The following CEP192 variants were observed in gnomAD, a reference collection of about 807,000 sequenced individuals.
The protein encoded by CEP192 is centrosomal protein of 192 kDa.
In CEP192, 151 loss-of-function variants were observed where a neutral mutation model predicts 271.8. That is an observed-to-expected ratio of 0.56 (90% CI 0.49 to 0.64). CEP192 has a LOEUF of 0.64. Among genes scored for constraint, CEP192 ranks in the 30% least tolerant of loss-of-function variants. The pLI, the probability that CEP192 is intolerant of heterozygous loss-of-function variation, is 0.00. For synonymous variants in CEP192, 995 were observed against 1,076.5 expected (o/e 0.92, Z 1.48); for missense variants, 2,910 against 3,020.5 (o/e 0.96, Z 0.86).
At chr18:13,060,250 T>G (rs772950399) in intron 21 of CEP192, among the ~76,000 whole-genome samples, 1 of 152,232 alleles carries the variant, frequency 6.6e-6, no homozygotes, top group Non-Finnish European at 1.5e-5. Flanking sequence ...CTTGTTACTG[T>G]ACTTAATACT....
intron 30 of CEP192, among the ~76,000 whole-genome samples, chr18:13,085,116 T>C (rs1179396181): frequency 1.3e-5 from 2 of 152,106 alleles, no homozygotes; most frequent in African/African-American, 2.4e-5. Flanking sequence ...TGAGCCACCG[T>C]GCCTGGTCGA....
At chr18:13,109,168 A>G (rs2040091921) in intron 40 of CEP192, among the ~76,000 whole-genome samples, 1 of 152,192 alleles carries the variant, frequency 6.6e-6, no homozygotes, top group Admixed American at 6.5e-5. Flanking sequence ...GGTGGATTGG[A>G]TGAAGAAATG....
In CEP192 at chr18:13,049,796, A is replaced by T. The variant is rs1204826980; in HGVS notation, c.2922A>T (p.Gly974=). The part of the protein sequence containing the change: ...DLKNTSPEHG[G]RGSEDEQESF... ...AAAATACCTCTCCTGAGCATGGTGG[A>T]CGTGGCTCAGAGGATGAGCAGGAGA... The change falls in exon 17 of 45, where the codon GGA becomes GGT. Residue 974 remains glycine (G), a synonymous_variant. Coordinates refer to ENST00000506447, the MANE Select transcript of CEP192 (RefSeq NM_032142.4). 6.2e-7 allele frequency: 1 copy of T among 1,613,760 alleles called. No individual in the cohort carries two copies. Among genetic ancestry groups the T allele is most frequent in the East Asian group, 2.2e-5 (1 of 44,882 alleles).
intron 40 of CEP192, 115 bp from the exon 41 acceptor site, chr18:13,113,471 T>G: frequency 9.7e-7 from 1 of 1,032,282 alleles, no homozygotes; most frequent in East Asian, 2.5e-5. Context: ...AACTAGCCAG[T>G]GCAAAAGCAT....
intron 4 of CEP192, among the ~76,000 whole-genome samples, chr18:13,008,862 A>G (rs1474302876): frequency 1.3e-5 from 2 of 151,926 alleles, no homozygotes; most frequent in Non-Finnish European, 2.9e-5. Context: ...ACACACCACC[A>G]TGCTAGGCTA....
chr18:13,048,473 T>C lies in CEP192; in HGVS notation c.2068-386T>C, dbSNP rs909664500. ...CAGAGAGGAGCTATCAAGTGCTTCCTTCAAGTGAAAAGAGGAAGGTTCTCG... is the reference window on the plus strand; with the variant it reads ...CAGAGAGGAGCTATCAAGTGCTTCCCTCAAGTGAAAAGAGGAAGGTTCTCG... On this transcript the variant is annotated intron_variant, in intron 15 of 44. Transcript: ENST00000506447. Among the ~76,000 whole-genome samples the C allele has an allele frequency of 2.0e-5, 3 of 152,188 alleles. No individual in the cohort carries two copies. The South Asian group carries it at 6.2e-4, about 32-fold the overall frequency.
In CEP192 at chr18:13,070,337, A is replaced by G. The variant is rs190577857; in HGVS notation, c.5174+481A>G. ...ATTGTCTTCTCTTTTTTTGACTAAA[A>G]ATCTTCTTTTAAACCAGCTGAATCG... On this transcript the variant is annotated intron_variant, in intron 27 of 44. Transcript: ENST00000506447. Among the ~76,000 whole-genome samples the G allele has an allele frequency of 2.3e-4, 35 of 152,240 alleles. 1 individual carries two copies. In the South Asian group the frequency reaches 6.6e-3, roughly 29 times the overall value.
At chr18:13,019,252 G>A (rs1388236677) in intron 9 of CEP192, 46 bp downstream of exon 9, 1 of 1,427,592 alleles carries the variant, frequency 7.0e-7, no homozygotes, top group Non-Finnish European at 9.2e-7. Flanking sequence ...AAAGGAATAA[G>A]GGGTCTTTTG....
At chr18:13,063,861 C>G (rs900464666) in intron 21 of CEP192, among the ~76,000 whole-genome samples, 6 of 149,926 alleles carry the variant, frequency 4.0e-5, no homozygotes, top group Non-Finnish European at 8.9e-5. Flanking sequence ...CGCTCTGTCA[C>G]CCAGGCTAGA....
rs761217744 is a variant in CEP192 at position 13,017,182 on chromosome 18, C to G, written c.641-6C>G. 6.7e-5 allele frequency: 103 copies of G among 1,529,534 alleles called. No homozygotes were observed. The highest frequency in any genetic ancestry group is 8.8e-5 in the Non-Finnish European group (100 of 1,139,160). The allele number at this position is 1,529,534 out of a possible 1,614,324, so 94.7% of individuals were successfully genotyped here. On this transcript the variant is annotated splice_region_variant and splice_polypyrimidine_tract_variant and intron_variant, in intron 6 of 44. Coordinates refer to ENST00000506447, the MANE Select transcript of CEP192 (RefSeq NM_032142.4). The stretch of plus-strand genomic sequence containing the variant: ...ATGTCCTGTTTTTTCTCGATTTTAT[C>G]AATAGATGATGATATTGATGATGAA...
intron 38 of CEP192, among the ~76,000 whole-genome samples, chr18:13,101,989 C>T (rs1310414233): frequency 1.3e-5 from 2 of 152,142 alleles, no homozygotes; most frequent in African/African-American, 4.8e-5. Flanking sequence ...CCTGGCTTGT[C>T]CCAGGAGCCT....
At chr18:13,081,107 G>A (rs769514586) in intron 30 of CEP192, among the ~76,000 whole-genome samples, 2 of 152,016 alleles carry the variant, frequency 1.3e-5, no homozygotes, top group African/African-American at 2.4e-5. Flanking sequence ...CTCTTTTTTT[G>A]TTGTGTCTTT....
At chr18:13,030,971 A>G (rs1340249161) in intron 11 of CEP192, among the ~76,000 whole-genome samples, 2 of 148,476 alleles carry the variant, frequency 1.3e-5, no homozygotes, top group Non-Finnish European at 3.0e-5. Flanking sequence ...CCAGTCCATG[A>G]AAGGTAGAAA....
intron 5 of CEP192, among the ~76,000 whole-genome samples, chr18:13,013,557 A>G (rs748329595): frequency 9.9e-5 from 15 of 152,152 alleles, no homozygotes; most frequent in Non-Finnish European, 1.6e-4. Context: ...TCACTGTGCC[A>G]AGGGGTGGGT....
chr18:13,054,147 C>T (rs2036956612), intron 18 of CEP192, among the ~76,000 whole-genome samples: 1 of 152,122 alleles, frequency 6.6e-6, no homozygotes, highest in African/African-American at 2.4e-5. Context: ...GTTTTAAAAG[C>T]TCACTCCAAC....
intron 11 of CEP192, among the ~76,000 whole-genome samples, chr18:13,032,842 A>G (rs2035709036): frequency 6.6e-6 from 1 of 152,226 alleles, no homozygotes; most frequent in East Asian, 1.9e-4. Context: ...TTAGGTTGCA[A>G]TGAGAATGAG....
At position 13,031,639 on chromosome 18, in the gene CEP192, G is replaced by A. The variant is rs191893762; in HGVS notation, c.1534+1031G>A. On this transcript the variant is annotated intron_variant, in intron 11 of 44. Transcript: ENST00000506447. ...CTTCTTTAAGAAAGTCTTGTAATGT[G>A]GAATTACAGCAATAAATTAGGTAGT... Among the ~76,000 whole-genome samples, 7 of 152,124 alleles carry A rather than the reference G, an allele frequency of 4.6e-5. No homozygotes were observed. The East Asian group carries it at 1.4e-3, about 30-fold the overall frequency.
chr18:13,042,054 C>T (rs543154310), intron 14 of CEP192, 150 bp from the exon 15 acceptor site: 11 of 567,060 alleles, frequency 1.9e-5, no homozygotes, highest in East Asian at 9.1e-5. Flanking sequence ...AGTGACTATA[C>T]GTTTAAACCA....
At chr18:13,106,509 T>TACCACCACCACCACCCCC (rs2039956277) in intron 40 of CEP192, among the ~76,000 whole-genome samples, 1 of 136,864 alleles carries the variant, frequency 7.3e-6, no homozygotes, top group African/African-American at 2.9e-5. Context: ...CACCATTTCC[T>TACCACCACCACCACCCCC]ACCACCACCA....
Sources: allele counts gnomAD v4.1 joint callset (sites outside exome capture counted in the v4.1 genomes callset), GRCh38; gene constraint gnomAD v4.1.1; transcripts MANE v1.5; gene names NCBI Gene and HGNC (gene_info 2026-07-23, HGNC 2026-07-21).